ROBO2: variants seen among roughly 807,000 people sequenced by gnomAD.
The protein encoded by ROBO2 is roundabout homolog 2.
ROBO2 carries 53 observed loss-of-function variants against 160.8 expected under a neutral mutation model. The ratio of observed to expected loss-of-function variants is 0.33; its 90% CI spans 0.26 to 0.41. The LOEUF (loss-of-function observed/expected upper bound fraction) is 0.41, where lower values mean the gene tolerates loss of function less well. ROBO2 is among the 10% of genes least tolerant of loss of function. The pLI is 1.00. For missense variants in ROBO2, 1,577 were observed against 1,722.4 expected (o/e 0.92, Z 1.49); for synonymous variants, 664 against 611.7 (o/e 1.09, Z -1.26).
intron 2 of ROBO2, among the ~76,000 whole-genome samples, chr3:76,852,019 C>T (rs2069455417): frequency 6.6e-6 from 1 of 152,026 alleles, no homozygotes; most frequent in Non-Finnish European, 1.5e-5. Context: ...AAGACAGTCA[C>T]CCATGGTTTC....
intron 2 of ROBO2, among the ~76,000 whole-genome samples, chr3:76,295,352 C>G (rs1709013758): frequency 6.6e-6 from 1 of 151,940 alleles, no homozygotes; most frequent in Non-Finnish European, 1.5e-5. Context: ...TAGAGAGTCA[C>G]TTAAAAAAAA....
intron 2 of ROBO2, among the ~76,000 whole-genome samples, chr3:77,321,528 G>C (rs1261221324): frequency 1.3e-5 from 2 of 150,762 alleles, no homozygotes; most frequent in Non-Finnish European, 3.0e-5. Context: ...CTCAAAAGAA[G>C]AAAAAAAGAA....
chr3:77,452,609 A>G (rs150587987), intron 2 of ROBO2, among the ~76,000 whole-genome samples: 3,113 of 152,266 alleles, frequency 0.02, 47 homozygotes, highest in Non-Finnish European at 0.034. Flanking sequence ...AGGTTAAAAA[A>G]GAAAATGCCT....
chr3:76,665,940 ATATAT>A (rs1331611446), intron 2 of ROBO2, among the ~76,000 whole-genome samples: 11 of 139,750 alleles, frequency 7.9e-5, no homozygotes, highest in East Asian at 2.0e-4. Context: ...TATACATATA[ATATAT>A]TATATATAAT....
chr3:76,693,620 G>T (rs555911614), intron 2 of ROBO2, among the ~76,000 whole-genome samples: 1 of 151,972 alleles, frequency 6.6e-6, no homozygotes, highest in African/African-American at 2.4e-5. Flanking sequence ...ATGACATAGC[G>T]CAGTCCAAGT....
At chr3:77,059,933 T>C (rs1559924385) in intron 1 of ROBO2, among the ~76,000 whole-genome samples, 2 of 151,986 alleles carry the variant, frequency 1.3e-5, no homozygotes, top group African/African-American at 2.4e-5. Context: ...GAGTATATAC[T>C]ACACCAGGGG....
chr3:76,200,056 T>G (rs1159499948), intron 2 of ROBO2, among the ~76,000 whole-genome samples: 1 of 152,158 alleles, frequency 6.6e-6, no homozygotes, highest in Non-Finnish European at 1.5e-5. Context: ...TGAAGTTCTC[T>G]AGCAAGGGCC....
chr3:76,245,932 A>G (rs550619610), intron 2 of ROBO2, among the ~76,000 whole-genome samples: 6 of 152,238 alleles, frequency 3.9e-5, no homozygotes, highest in Non-Finnish European at 7.4e-5. Context: ...GGAAAAGGAG[A>G]ATTAGAATGA....
intron 2 of ROBO2, among the ~76,000 whole-genome samples, chr3:76,721,951 G>A (rs897829771): frequency 2.0e-5 from 3 of 152,218 alleles, no homozygotes; most frequent in Non-Finnish European, 4.4e-5. Context: ...GAGGTAGGAA[G>A]TCATTCTGCT....
chr3:77,590,384 T>C (rs1221935734), intron 17 of ROBO2, among the ~76,000 whole-genome samples: 1 of 152,170 alleles, frequency 6.6e-6, no homozygotes, highest in Non-Finnish European at 1.5e-5. Context: ...AGGCAGTAAC[T>C]GAGTGTCAGA....
At chr3:76,210,089 G>A (rs762443471) in intron 2 of ROBO2, among the ~76,000 whole-genome samples, 1 of 151,982 alleles carries the variant, frequency 6.6e-6, no homozygotes, top group African/African-American at 2.4e-5. Flanking sequence ...AATGAAAACT[G>A]CAGATATTTG....
intron 2 of ROBO2, among the ~76,000 whole-genome samples, chr3:76,471,462 G>A (rs1366138712): frequency 1.3e-5 from 2 of 152,048 alleles, no homozygotes; most frequent in Non-Finnish European, 1.5e-5. Flanking sequence ...ACACTGCCTT[G>A]ATTGCCTGAC....
In ROBO2 at chr3:77,203,378, G is replaced by T. The variant is rs893427752; in HGVS notation, c.388+105038G>T. Among the ~76,000 whole-genome samples the T allele has an allele frequency of 8.5e-5, 13 of 152,230 alleles. 1 individual carries two copies. In the East Asian group the frequency reaches 1.4e-3, roughly 16 times the overall value. ...TACTGTTACGGCATATTGAGAATTT[G>T]CAAATAATCTTAGGTTAAGCATCTG... On this transcript the variant is annotated intron_variant, in intron 2 of 25. Coordinates refer to ENST00000461745, the Ensembl canonical transcript of ROBO2.
At chr3:76,647,076 C>A (rs535479241) in intron 2 of ROBO2, among the ~76,000 whole-genome samples, 3 of 152,206 alleles carry the variant, frequency 2.0e-5, no homozygotes, top group Non-Finnish European at 4.4e-5. Flanking sequence ...GGCCCTATGA[C>A]GCAGAGAACT....
chr3:77,078,126 T>A (rs1250881776), intron 1 of ROBO2, among the ~76,000 whole-genome samples: 3 of 152,208 alleles, frequency 2.0e-5, no homozygotes, highest in Non-Finnish European at 4.4e-5. Context: ...TACACCTCAA[T>A]GCAGCACCTT....
chr3:76,146,703 T>TGC (rs1479860695), intron 2 of ROBO2, among the ~76,000 whole-genome samples: 5 of 149,364 alleles, frequency 3.3e-5, no homozygotes, highest in African/African-American at 7.4e-5. Context: ...ATAGGGTGTG[T>TGC]GTGTGTGTGT....
intron 2 of ROBO2, among the ~76,000 whole-genome samples, chr3:77,391,715 A>C (rs113054275): frequency 1.0e-3 from 155 of 152,142 alleles, no homozygotes; most frequent in African/African-American, 3.7e-3. Context: ...GAAAAACACC[A>C]GATAATTTTT....
intron 2 of ROBO2, among the ~76,000 whole-genome samples, chr3:76,953,058 A>T (rs1389978260): frequency 6.6e-6 from 1 of 152,188 alleles, no homozygotes; most frequent in East Asian, 1.9e-4. Flanking sequence ...CAATTTCTAG[A>T]TAGAAAATTA....
chr3:76,365,410 A>G (rs545856568), intron 2 of ROBO2, among the ~76,000 whole-genome samples: 103 of 152,224 alleles, frequency 6.8e-4, no homozygotes, highest in African/African-American at 2.2e-3. Flanking sequence ...TGTAAGAGAT[A>G]TGATGTAAGC....
Sources: allele counts gnomAD v4.1 joint callset (sites outside exome capture counted in the v4.1 genomes callset), GRCh38; gene constraint gnomAD v4.1.1; transcripts MANE v1.5; gene names NCBI Gene and HGNC (gene_info 2026-07-23, HGNC 2026-07-21).